The following NBPF26 variants were observed in gnomAD, a reference collection of about 807,000 sequenced individuals.
NBPF26 encodes the protein NBPF family member NBPF26.
NBPF26 carries 79 observed loss-of-function variants against 119.6 expected under a neutral mutation model. That is an observed-to-expected ratio of 0.66 (90% CI 0.55 to 0.80). The LOEUF is 0.80. Among genes scored for constraint, NBPF26 ranks in the 30% least tolerant of loss-of-function variants. The probability of loss-of-function intolerance (pLI) is 0.00; values close to 1 mark genes in which losing one functional copy is unlikely to be tolerated. For synonymous variants in NBPF26, 299 were observed against 457.7 expected, an observed-to-expected ratio of 0.65 and a Z score of 4.43; for missense variants, 800 against 1,198.2, an observed-to-expected ratio of 0.67 and a Z score of 4.91.
At chr1:120,769,764 TG>T (rs1405030955) in intron 2 of NBPF26, among the ~76,000 whole-genome samples, 1 of 111,232 alleles carries the variant, frequency 9.0e-6, no homozygotes, top group East Asian at 2.1e-4. Flanking sequence ...CACACTTCTT[TG>T]GGAAGTCATA....
chr1:120,840,566 C>T, exon 30 of NBPF26: 2 of 1,465,472 alleles, frequency 1.4e-6, no homozygotes, highest in Non-Finnish European at 1.8e-6. Context: ...ACCTGGTGTT[C>T]CAGATGGGAG....
Position 120,811,767 on chromosome 1 carries a change from C to G in NBPF26, c.1565-119C>G. 8 of 625,864 alleles carry G rather than the reference C, an allele frequency of 1.3e-5. 1 individual carries two copies. The South Asian group carries it at 1.3e-4, about 10-fold the overall frequency. 38.8% of individuals were successfully genotyped at this position (625,864 alleles called of 1,614,324 possible). On this transcript the variant is annotated intron_variant, in intron 9 of 29. Coordinates refer to ENST00000620612, the Ensembl canonical transcript of NBPF26. Reference sequence around the variant, plus strand: ...AAGACTGGAGATGACAAGAGTGAAACCAGGGAAACATCTTCAAATAAGTAA... The same window carrying G: ...AAGACTGGAGATGACAAGAGTGAAAGCAGGGAAACATCTTCAAATAAGTAA...
chr1:120,761,342 G>C (rs1651134952), intron 1 of NBPF26, among the ~76,000 whole-genome samples: 1 of 113,580 alleles, frequency 8.8e-6, no homozygotes. Flanking sequence ...GGAGGGAGCT[G>C]TTGCTGGTGG....
chr1:120,748,113 CTT>C (rs1186945714), intron 1 of NBPF26, among the ~76,000 whole-genome samples: 10 of 29,676 alleles, frequency 3.4e-4, no homozygotes, highest in African/African-American at 1.4e-3. Context: ...GTAAAGGCTC[CTT>C]TTTTTTTTTT....
chr1:120,815,572 G>A (rs1262303645), intron 12 of NBPF26, among the ~76,000 whole-genome samples: 1 of 96,198 alleles, frequency 1.0e-5, no homozygotes, highest in Non-Finnish European at 1.9e-5. Flanking sequence ...CACTTTATGT[G>A]GGGGCGTTTT....
intron 8 of NBPF26, among the ~76,000 whole-genome samples, chr1:120,810,110 C>A (rs1244310860): frequency 1.6e-4 from 20 of 126,688 alleles, no homozygotes; most frequent in Admixed American, 7.4e-5. Context: ...TCATCCTCCT[C>A]AGCTCCTATC....
At chr1:120,794,212 C>T (rs1651529810) in intron 4 of NBPF26, among the ~76,000 whole-genome samples, 1 of 115,518 alleles carries the variant, frequency 8.7e-6, no homozygotes, top group Admixed American at 8.3e-5. Flanking sequence ...ACACACAACC[C>T]AAAGATAGAA....
intron 7 of NBPF26, 23 bp from the exon 8 acceptor site, chr1:120,809,788 G>C: frequency 6.6e-7 from 1 of 1,518,772 alleles, no homozygotes; most frequent in South Asian, 1.1e-5. Context: ...GGAAATATCT[G>C]AACGAACATT....
rs1163742692 is a variant in NBPF26, at chr1:120,823,875, C to A, written c.2640-99C>A. The A allele has an allele frequency of 2.9e-4, 143 of 496,876 alleles. 19 individuals are homozygous for A. The highest frequency in any genetic ancestry group is 5.0e-4 in the East Asian group (16 of 32,098). 30.8% of individuals were successfully genotyped at this position (496,876 alleles called of 1,614,324 possible). Reference sequence around the variant, plus strand: ...CCTCATTAATGGATCTGTCCTTTTTCTTTTCAAACTCTTCCTTACATTAGC... The same window carrying A: ...CCTCATTAATGGATCTGTCCTTTTTATTTTCAAACTCTTCCTTACATTAGC... On this transcript the variant is annotated intron_variant, in intron 17 of 29. Coordinates refer to ENST00000620612, the Ensembl canonical transcript of NBPF26.
At position 120,764,041 on chromosome 1, in the gene NBPF26, G is replaced by T. The variant is rs1285632892; in HGVS notation, c.155+332G>T. 1.7e-4 allele frequency among the ~76,000 whole-genome samples: 19 copies of T among 113,954 alleles called. 4 individuals are homozygous for T. The highest frequency in any genetic ancestry group is 8.1e-4 in the African/African-American group (16 of 19,820). The allele number at this position is 113,954 out of a possible 152,430, so 74.8% of individuals were successfully genotyped here. On this transcript the variant is annotated intron_variant, in intron 2 of 29. Transcript: ENST00000620612. ...AGTTGGGCGAATCACGAGGTCAGGA[G>T]TTCAAGATCAGCCTGGCCAACATAG...
Position 120,801,521 on chromosome 1 carries a change from TA to T in NBPF26, c.752-4018del, listed in dbSNP as rs1193360933. Among the ~76,000 whole-genome samples, 353 of 61,054 alleles carry T rather than the reference TA, an allele frequency of 5.8e-3. 46 individuals are homozygous for T. Among genetic ancestry groups the T allele is most frequent in the African/African-American group, 0.02 (152 of 7,538 alleles). 40.1% of individuals were successfully genotyped at this position (61,054 alleles called of 152,430 possible). A position where few individuals can be genotyped will look rare whatever the true frequency, so the allele number is the denominator to read the frequency against. On this transcript the variant is annotated intron_variant, in intron 4 of 29. Coordinates refer to ENST00000620612, the Ensembl canonical transcript of NBPF26. ...ACATCTCCATGCCTTGTATTTTCATTAAAAAAAAAAAAAAAAAGCATTTCAG... is the reference window on the plus strand; with the variant it reads ...ACATCTCCATGCCTTGTATTTTCATTAAAAAAAAAAAAAAAAGCATTTCAG...
In NBPF26 at chr1:120,727,432, A is replaced by C. The variant is rs1258315403; in HGVS notation, c.73+3182A>C. Among the ~76,000 whole-genome samples the C allele has an allele frequency of 5.8e-4, 67 of 116,042 alleles. 14 individuals carry two copies. Among genetic ancestry groups the C allele is most frequent in the East Asian group, 2.5e-3 (12 of 4,732 alleles). The allele number at this position is 116,042 out of a possible 152,430, so 76.1% of individuals were successfully genotyped here. A position where few individuals can be genotyped will look rare whatever the true frequency, so the allele number is the denominator to read the frequency against. ...AAATTGCTAACATAAGAGATATAGA[A>C]TATAATGTCATTTCTTCTGTTTATC... On this transcript the variant is annotated intron_variant, in intron 1 of 29. Transcript: ENST00000620612.
intron 1 of NBPF26, among the ~76,000 whole-genome samples, chr1:120,726,067 G>A (rs1419130938): frequency 1.9e-5 from 2 of 103,396 alleles, no homozygotes; most frequent in African/African-American, 6.4e-5. Context: ...TAATAAATAT[G>A]ATTGTAAAGT....
At chr1:120,775,509 ACAGT>A (rs1241859976) in intron 2 of NBPF26, among the ~76,000 whole-genome samples, 1 of 105,622 alleles carries the variant, frequency 9.5e-6, no homozygotes, top group Non-Finnish European at 1.7e-5. Flanking sequence ...TTTAGACTAA[ACAGT>A]AAGCTTTTTA....
rs1260112795 is a variant in NBPF26 at position 120,808,031 on chromosome 1, C to A, written c.1064+322C>A. ...AATCAAAATGGTGTGCCATCACCAC[C>A]CCACTTACCCTTAGTGAGAATCACC... On this transcript the variant is annotated intron_variant, in intron 6 of 29. Coordinates refer to ENST00000620612, the Ensembl canonical transcript of NBPF26. Among the ~76,000 whole-genome samples the A allele has an allele frequency of 3.3e-5, 4 of 121,370 alleles. 2 individuals are homozygous for A. The highest frequency in any genetic ancestry group is 6.7e-5 in the Non-Finnish European group (4 of 60,128). The allele number at this position is 121,370 out of a possible 152,430, so 79.6% of individuals were successfully genotyped here.
chr1:120,805,563 C>A (rs1651661623), exon 5 of NBPF26: 1 of 1,415,078 alleles, frequency 7.1e-7, no homozygotes, highest in Non-Finnish European at 9.6e-7. Flanking sequence ...CAGTCCCTGA[C>A]TCCACCTCTT....
At chr1:120,806,342 C>A (rs1240563323) in intron 5 of NBPF26, among the ~76,000 whole-genome samples, 2 of 112,412 alleles carry the variant, frequency 1.8e-5, no homozygotes, top group Non-Finnish European at 3.5e-5. Flanking sequence ...CTCCTATAAT[C>A]TCAGCACTTT....
In NBPF26 at chr1:120,811,995, C is replaced by A. The variant is rs1553271054; in HGVS notation, c.1674C>A (p.Arg558=). 6.3e-6 allele frequency: 8 copies of A among 1,266,544 alleles called. 3 individuals are homozygous for A. Among genetic ancestry groups the A allele is most frequent in the Non-Finnish European group, 7.6e-6 (7 of 924,540 alleles). The allele number at this position is 1,266,544 out of a possible 1,614,324, so 78.5% of individuals were successfully genotyped here. A position where few individuals can be genotyped will look rare whatever the true frequency, so the allele number is the denominator to read the frequency against. ...TTCTAGAAATCAATGAGAAATTGCGCCCCCAGCTGGCAGAGAAGAAACAGC... is the reference window on the plus strand; with the variant it reads ...TTCTAGAAATCAATGAGAAATTGCGACCCCAGCTGGCAGAGAAGAAACAGC... The change falls in exon 10 of 30, where the codon CGC becomes CGA. Residue 558 remains arginine (R), a synonymous_variant. Coordinates refer to ENST00000620612, the Ensembl canonical transcript of NBPF26.
rs1360889923 is a variant in NBPF26 at position 120,781,625 on chromosome 1, G to A, written c.156-3349G>A. ...GTCGCCCAGGCTGGAGTGCAGTGGC[G>A]CGATCTTGGCTCACTGCAACCTCCA... On this transcript the variant is annotated intron_variant, in intron 2 of 29. Transcript: ENST00000620612. 1.8e-3 allele frequency among the ~76,000 whole-genome samples: 87 copies of A among 49,426 alleles called. 1 individual carries two copies. The highest frequency in any genetic ancestry group is 8.9e-3 in the South Asian group (18 of 2,018). The allele number at this position is 49,426 out of a possible 152,430, so 32.4% of individuals were successfully genotyped here. A position where few individuals can be genotyped will look rare whatever the true frequency, so the allele number is the denominator to read the frequency against.
Sources: gnomAD v4.1 joint callset for allele counts (sites outside exome capture counted in the v4.1 genomes callset) on GRCh38, gnomAD v4.1.1 for gene constraint, MANE v1.5 for transcripts, NCBI Gene and HGNC (gene_info 2026-07-23, HGNC 2026-07-21) for gene names.